RCOR3: variants seen among roughly 807,000 people sequenced by gnomAD.
The protein encoded by RCOR3 is REST corepressor 3.
A neutral mutation model predicts 64.1 loss-of-function variants in RCOR3; 13 were observed. That is an observed-to-expected ratio of 0.20 (90% CI 0.13 to 0.32). RCOR3 has a LOEUF of 0.32. RCOR3 is among the 10% of genes least tolerant of loss of function. RCOR3 has a pLI of 1.00. For synonymous variants in RCOR3, 215 were observed against 239.0 expected (o/e 0.90, Z 0.93); for missense variants, 489 against 701.2 (o/e 0.70, Z 3.42).
At chr1:211,265,403 A>C (rs536372528) in intron 2 of RCOR3, among the ~76,000 whole-genome samples, 2 of 152,124 alleles carry the variant, frequency 1.3e-5, no homozygotes, top group Non-Finnish European at 2.9e-5. Flanking sequence ...TTTATCATAT[A>C]TAATTTTTTT....
At chr1:211,262,145 G>C (rs147428724) in intron 2 of RCOR3, among the ~76,000 whole-genome samples, 16,873 of 139,952 alleles carry the variant, frequency 0.12, 1,102 homozygotes, top group South Asian at 0.21. Context: ...TCAAGCGATT[G>C]TCCTGCCTCA....
intron 5 of RCOR3, 57 bp downstream of exon 5, chr1:211,276,475 T>C: frequency 7.3e-7 from 1 of 1,375,534 alleles, no homozygotes; most frequent in Non-Finnish European, 1.0e-6. Context: ...TAAGCTACTA[T>C]TAAACACTTC....
chr1:211,308,684 G>GTTTTTT (rs71585833), intron 10 of RCOR3, among the ~76,000 whole-genome samples: 1 of 42,060 alleles, frequency 2.4e-5, no homozygotes, highest in Non-Finnish European at 4.9e-5. Context: ...TTTTTTTTTT[G>GTTTTTT]TTTTTTTTTT....
intron 2 of RCOR3, among the ~76,000 whole-genome samples, chr1:211,262,022 A>T (rs145058553): frequency 0.035 from 4,691 of 133,584 alleles, 147 homozygotes; most frequent in Non-Finnish European, 0.055. Flanking sequence ...CAGTATTCCT[A>T]GCTATAAAAA....
chr1:211,282,022 C>T (rs1298344691), intron 7 of RCOR3, among the ~76,000 whole-genome samples: 2 of 152,186 alleles, frequency 1.3e-5, no homozygotes, highest in East Asian at 1.9e-4. Context: ...AACCTGAAAA[C>T]TTAAGAATTT....
At chr1:211,276,461 A>G (rs759634765) in intron 5 of RCOR3, 43 bp downstream of exon 5, 1 of 1,511,300 alleles carries the variant, frequency 6.6e-7, no homozygotes, top group Non-Finnish European at 9.0e-7. Flanking sequence ...TGTGAATGAT[A>G]TCTTAAGCTA....
At chr1:211,276,566 T>A (rs1696980944) in intron 5 of RCOR3, 148 bp downstream of exon 5, 2 of 645,900 alleles carry the variant, frequency 3.1e-6, no homozygotes, top group African/African-American at 3.7e-5. Context: ...ACAATCCTGT[T>A]TTCTGCAACC....
At chr1:211,262,857 A>AT (rs1378157500) in intron 2 of RCOR3, among the ~76,000 whole-genome samples, 8 of 118,328 alleles carry the variant, frequency 6.8e-5, no homozygotes, top group Non-Finnish European at 1.5e-4. Context: ...TTTTATCTTT[A>AT]TTTTTTAAAC....
At chr1:211,307,688 A>T (rs1246252115) in intron 10 of RCOR3, among the ~76,000 whole-genome samples, 3 of 152,014 alleles carry the variant, frequency 2.0e-5, no homozygotes, top group Non-Finnish European at 4.4e-5. Flanking sequence ...CATTTTAATT[A>T]TAAGCCACCT....
chr1:211,307,486 A>AAAAAGAATTT (rs139185430), intron 10 of RCOR3, among the ~76,000 whole-genome samples: 4 of 14,360 alleles, frequency 2.8e-4, no homozygotes, highest in Non-Finnish European at 1.1e-3. Context: ...GACTCAAAAA[A>AAAAAGAATTT]AAAAGAATTT....
intron 10 of RCOR3, among the ~76,000 whole-genome samples, chr1:211,309,806 GT>G (rs1300545317): frequency 6.6e-6 from 1 of 152,234 alleles, no homozygotes; most frequent in Non-Finnish European, 1.5e-5. Context: ...GTTAAAGTTA[GT>G]TGCTGCTTAT....
intron 2 of RCOR3, among the ~76,000 whole-genome samples, chr1:211,269,148 G>GGT (rs59023786): frequency 0.033 from 5,066 of 152,096 alleles, 264 homozygotes; most frequent in African/African-American, 0.12. Flanking sequence ...GGCTATTAAT[G>GGT]GTAATTATCG....
chr1:211,261,398 A>T (rs1461896123), intron 2 of RCOR3, among the ~76,000 whole-genome samples: 1 of 152,222 alleles, frequency 6.6e-6, no homozygotes, highest in Non-Finnish European at 1.5e-5. Context: ...AGGTGAAAAC[A>T]GTGATGCAAG....
intron 10 of RCOR3, among the ~76,000 whole-genome samples, chr1:211,304,968 A>G (rs1378103547): frequency 6.6e-6 from 1 of 152,052 alleles, no homozygotes; most frequent in Non-Finnish European, 1.5e-5. Context: ...TTGAGTGCTA[A>G]TAGCTTTTTT....
intron 9 of RCOR3, among the ~76,000 whole-genome samples, chr1:211,300,775 C>T (rs756981140): frequency 2.6e-5 from 4 of 152,164 alleles, no homozygotes; most frequent in African/African-American, 9.7e-5. Context: ...GCTTACACTC[C>T]GTTTATTGAA....
rs943654849 is a variant in RCOR3 at position 211,263,685 on chromosome 1, A to G, written c.223+3521A>G. On this transcript the variant is annotated intron_variant, in intron 2 of 11. Coordinates refer to ENST00000419091, the MANE Select transcript of RCOR3 (RefSeq NM_001136223.3). ...AAATACTGGGCCTCTGTCATTCAAC[A>G]TTATACTGCTGATCTATTTTATTCT... 2.6e-5 allele frequency among the ~76,000 whole-genome samples: 4 copies of G among 152,348 alleles called. No individual in the cohort carries two copies. The South Asian group carries it at 6.2e-4, about 24-fold the overall frequency.
chr1:211,259,454 C>A lies in RCOR3; in HGVS notation c.-107C>A. 2 of 1,151,308 alleles carry A rather than the reference C, an allele frequency of 1.7e-6. No individual in the cohort carries two copies. Among genetic ancestry groups the A allele is most frequent in the South Asian group, 1.6e-5 (1 of 64,384 alleles). 71.3% of individuals were successfully genotyped at this position (1,151,308 alleles called of 1,614,324 possible). On this transcript the variant is annotated 5_prime_UTR_variant, in exon 1 of 12. Coordinates refer to ENST00000419091, the MANE Select transcript of RCOR3 (RefSeq NM_001136223.3). Reference sequence around the variant, plus strand: ...CCTCCTCCTCCTCCGCCGCCGCCGCCGTCTCCTCCTCCTCCTCCTTTCCCT... The same window carrying A: ...CCTCCTCCTCCTCCGCCGCCGCCGCAGTCTCCTCCTCCTCCTCCTTTCCCT...
At chr1:211,297,015 A>G (rs1699920700) in intron 9 of RCOR3, among the ~76,000 whole-genome samples, 1 of 152,106 alleles carries the variant, frequency 6.6e-6, no homozygotes, top group Non-Finnish European at 1.5e-5. Context: ...TGAAATTCCT[A>G]GGAAAATGTG....
intron 10 of RCOR3, among the ~76,000 whole-genome samples, chr1:211,308,519 A>T (rs528293493): frequency 8.1e-4 from 124 of 152,238 alleles, no homozygotes; most frequent in Middle Eastern, 6.8e-3. Context: ...TTATTTCAAA[A>T]ATATATTTTT....
Sources: allele counts gnomAD v4.1 joint callset (sites outside exome capture counted in the v4.1 genomes callset), GRCh38; gene constraint gnomAD v4.1.1; transcripts MANE v1.5; gene names NCBI Gene and HGNC (gene_info 2026-07-23, HGNC 2026-07-21).